PCDHGB5: variants seen among roughly 807,000 people sequenced by gnomAD.
The protein encoded by PCDHGB5 is protocadherin gamma-B5.
PCDHGB5 carries 48 observed loss-of-function variants against 62.9 expected under a neutral mutation model. That is an observed-to-expected ratio of 0.76 (90% CI 0.61 to 0.97). The LOEUF (loss-of-function observed/expected upper bound fraction) is 0.97, where lower values mean the gene tolerates loss of function less well. Ranked by LOEUF, PCDHGB5 falls within the 50% of genes least tolerant of loss-of-function variation. The pLI, the probability that PCDHGB5 is intolerant of heterozygous loss-of-function variation, is 0.00. For synonymous variants in PCDHGB5, 474 were observed against 511.2 expected (o/e 0.93, Z 0.98); for missense variants, 1,118 against 1,198.6 (o/e 0.93, Z 0.99).
intron 1 of PCDHGB5, among the ~76,000 whole-genome samples, chr5:141,438,613 TATATATATATATATATATATATACAC>T (rs1192023297): frequency 0.026 from 946 of 36,486 alleles, 27 homozygotes; most frequent in African/African-American, 0.12. Flanking sequence ...TATATATATA[TATATATATATATATATATATATACAC>T]ACACACACAC....
At chr5:141,403,403 C>T in intron 1 of PCDHGB5, 5 of 1,614,066 alleles carry the variant, frequency 3.1e-6, no homozygotes, top group Non-Finnish European at 4.2e-6. Context: ...TCCTGGAGCA[C>T]GTTATCCACT....
chr5:141,428,609 A>G, intron 1 of PCDHGB5: 1 of 215,052 alleles, frequency 4.7e-6, no homozygotes, highest in South Asian at 7.9e-5. Context: ...ACTGAAGAGA[A>G]TAACAAGATA....
At position 141,482,530 on chromosome 5, in the gene PCDHGB5, C is replaced by CAA. The variant is rs3074545; in HGVS notation, c.2398-12259_2398-12258dup. ...CAGAGTACAGTATGAGACAGACATG[C>CAA]AAAAAAAAAAAAAAAAAAAGATAAT... On this transcript the variant is annotated intron_variant, in intron 1 of 3. Transcript: ENST00000617380. Among the ~76,000 whole-genome samples the CAA allele has an allele frequency of 5.5e-3, 422 of 76,516 alleles. 18 individuals are homozygous for CAA. Among genetic ancestry groups the CAA allele is most frequent in the African/African-American group, 0.016 (343 of 20,862 alleles). The allele number at this position is 76,516 out of a possible 152,430, so 50.2% of individuals were successfully genotyped here.
Position 141,423,964 on chromosome 5 carries a change from A to G in PCDHGB5, c.2397+23440A>G, listed in dbSNP as rs569611136. On this transcript the variant is annotated intron_variant, in intron 1 of 3. Coordinates refer to ENST00000617380, the MANE Select transcript of PCDHGB5 (RefSeq NM_018925.3). ...AGTTGAATTTTAGTATTATTTTTCT[A>G]TTATCAGTGTATGAGGCTCTCAATT... The G allele has an allele frequency of 5.2e-5, 61 of 1,163,648 alleles. 2 individuals carry two copies. In the South Asian group the frequency reaches 1.7e-3, roughly 32 times the overall value. 72.1% of individuals were successfully genotyped at this position (1,163,648 alleles called of 1,614,324 possible).
rs1309292354 is a variant in PCDHGB5, at chr5:141,399,314, A to C, written c.1187A>C (p.Asn396Thr). 5.6e-6 allele frequency: 9 copies of C among 1,613,988 alleles called. No homozygotes were observed. The highest frequency in any genetic ancestry group is 1.7e-6 in the Non-Finnish European group (2 of 1,179,890). ...TTTAAGATTATCTCTTCATCCAAAA[A>C]TTCGTATAAGTTGGTAACAGATGGA... ...VPFKIISSSKNSYKLVTDGTL... is the reference protein window; with the variant it reads ...VPFKIISSSKTSYKLVTDGTL... Residue 396 changes from asparagine (N) to threonine (T), a missense_variant, in exon 1 of 4, where the codon AAT becomes ACT. Coordinates refer to ENST00000617380, the MANE Select transcript of PCDHGB5 (RefSeq NM_018925.3).
chr5:141,419,325 ACT>A (rs1329600066), intron 1 of PCDHGB5: 33 of 1,613,586 alleles, frequency 2.0e-5, no homozygotes, highest in Non-Finnish European at 2.6e-5. Flanking sequence ...CGTGTCTCCT[ACT>A]CTCTCATTGC....
intron 1 of PCDHGB5, chr5:141,413,757 G>C (rs2095674818): frequency 1.2e-6 from 2 of 1,612,920 alleles, no homozygotes; most frequent in African/African-American, 2.7e-5. Flanking sequence ...ATGGCGTCAA[G>C]TACCCGGAGC....
rs1192987646 is a variant in PCDHGB5, at chr5:141,423,758, G to A, written c.2397+23234G>A. Reference sequence around the variant, plus strand: ...CTGTTATGAAAACTGTTTGGGGGGGGGGTGGGGCGGCATATATTTAGTTCA... The same window carrying A: ...CTGTTATGAAAACTGTTTGGGGGGGAGGTGGGGCGGCATATATTTAGTTCA... On this transcript the variant is annotated intron_variant, in intron 1 of 3. Coordinates refer to ENST00000617380, the MANE Select transcript of PCDHGB5 (RefSeq NM_018925.3). 8.2e-5 allele frequency: 30 copies of A among 366,770 alleles called. 3 individuals are homozygous for A. Among genetic ancestry groups the A allele is most frequent in the Non-Finnish European group, 1.1e-4 (29 of 259,742 alleles). The allele number at this position is 366,770 out of a possible 1,614,324, so 22.7% of individuals were successfully genotyped here.
At position 141,487,636 on chromosome 5, in the gene PCDHGB5, A is replaced by G. The variant is rs780468230; in HGVS notation, c.2398-7171A>G. 3 of 1,614,192 alleles carry G rather than the reference A, an allele frequency of 1.9e-6. No homozygotes were observed. Among genetic ancestry groups the G allele is most frequent in the Non-Finnish European group, 1.7e-6 (2 of 1,180,030 alleles). Reference sequence around the variant, plus strand: ...TAGAGGTGAGACCTTTGCAGGCTCAACAAATGCTTGAGGGTTATTCTGATC... The same window carrying G: ...TAGAGGTGAGACCTTTGCAGGCTCAGCAAATGCTTGAGGGTTATTCTGATC... On this transcript the variant is annotated intron_variant, in intron 1 of 3. Transcript: ENST00000617380. This position sits in a 1 kb window ranked among gnomAD's most constrained non-coding sequence, Gnocchi z 5.0.
chr5:141,426,307 A>G (rs958090236), intron 1 of PCDHGB5: 2 of 172,782 alleles, frequency 1.2e-5, no homozygotes, highest in African/African-American at 4.7e-5. Context: ...GGTGAAGCAG[A>G]GAAGCAGGAC....
chr5:141,426,523 G>A (rs1018320941), intron 1 of PCDHGB5: 14 of 342,474 alleles, frequency 4.1e-5, no homozygotes, highest in African/African-American at 3.0e-4. Flanking sequence ...CGTGAACACG[G>A]AGAATGGGAA....
At position 141,485,789 on chromosome 5, in the gene PCDHGB5, T is replaced by G. The variant is rs1276069810; in HGVS notation, c.2398-9018T>G. The G allele has an allele frequency of 1.2e-6, 2 of 1,613,978 alleles. No individual in the cohort carries two copies. The highest frequency in any genetic ancestry group is 1.7e-6 in the Non-Finnish European group (2 of 1,180,030). On this transcript the variant is annotated intron_variant, in intron 1 of 3. Coordinates refer to ENST00000617380, the MANE Select transcript of PCDHGB5 (RefSeq NM_018925.3). This position sits in a 1 kb window ranked among gnomAD's most constrained non-coding sequence, Gnocchi z 5.7. ...GAAGCCTTTGGATCGAGAGAAGCAATCGGACTACCGCCTGGTGCTGACTGC... is the reference window on the plus strand; with the variant it reads ...GAAGCCTTTGGATCGAGAGAAGCAAGCGGACTACCGCCTGGTGCTGACTGC...
intron 1 of PCDHGB5, among the ~76,000 whole-genome samples, chr5:141,465,888 C>T (rs1031908926): frequency 5.3e-5 from 8 of 151,942 alleles, no homozygotes; most frequent in South Asian, 2.1e-4. Context: ...TTTGGGAGGC[C>T]GAGGCGGGCA....
intron 1 of PCDHGB5, chr5:141,403,191 G>A (rs368387997): frequency 1.1e-5 from 18 of 1,613,876 alleles, no homozygotes; most frequent in Non-Finnish European, 1.4e-5. Context: ...CTGAACCCGC[G>A]CAGCGGCACC....
intron 1 of PCDHGB5, chr5:141,413,478 T>C (rs755324008): frequency 6.2e-7 from 1 of 1,614,074 alleles, no homozygotes; most frequent in East Asian, 2.2e-5. Flanking sequence ...AGCTCTGCGC[T>C]CAGAGCGCGC....
rs776015544 is a variant in PCDHGB5, at chr5:141,485,125, G to C, written c.2398-9682G>C. The C allele has an allele frequency of 7.1e-7, 1 of 1,412,278 alleles. No homozygotes were observed. Among genetic ancestry groups the C allele is most frequent in the Admixed American group, 1.7e-5 (1 of 57,660 alleles). 87.5% of individuals were successfully genotyped at this position (1,412,278 alleles called of 1,614,324 possible). On this transcript the variant is annotated intron_variant, in intron 1 of 3. Transcript: ENST00000617380. The surrounding 1 kb of genome is among the most constrained non-coding windows in gnomAD (Gnocchi z 5.7). The stretch of plus-strand genomic sequence containing the variant: ...CTGCTGTGGCTGTTTGGGGCGGGTC[G>C]GCTTCATCCGCGTCTCAGGAGCAAG...
rs1309165721 is a variant in PCDHGB5 at position 141,430,655 on chromosome 5, G to A, written c.2397+30131G>A. On this transcript the variant is annotated intron_variant, in intron 1 of 3. Coordinates refer to ENST00000617380, the MANE Select transcript of PCDHGB5 (RefSeq NM_018925.3). Reference sequence around the variant, plus strand: ...ATCCCTGGGAGTATGTGGAAACAACGGAGGAGCTCTGACTTCCCAACTGTC... The same window carrying A: ...ATCCCTGGGAGTATGTGGAAACAACAGAGGAGCTCTGACTTCCCAACTGTC... 4.6e-6 allele frequency: 5 copies of A among 1,084,938 alleles called. No individual in the cohort carries two copies. In the East Asian group the frequency reaches 7.8e-5, roughly 17 times the overall value. 67.2% of individuals were successfully genotyped at this position (1,084,938 alleles called of 1,614,324 possible).
chr5:141,410,687 T>A, intron 1 of PCDHGB5: 1 of 1,518,632 alleles, frequency 6.6e-7, no homozygotes, highest in Non-Finnish European at 8.8e-7. Context: ...TTAGGCATAC[T>A]ACTTTATTTT....
At chr5:141,422,058 A>G (rs1015726657) in intron 1 of PCDHGB5, 3 of 1,611,890 alleles carry the variant, frequency 1.9e-6, no homozygotes, top group African/African-American at 2.7e-5. Flanking sequence ...TCAACGGGGA[A>G]GTAATGTATT....
Sources: gnomAD v4.1 joint callset for allele counts (sites outside exome capture counted in the v4.1 genomes callset) on GRCh38, gnomAD v4.1.1 for gene constraint, Gnocchi (gnomAD v3.1) non-coding constraint, MANE v1.5 for transcripts, NCBI Gene and HGNC (gene_info 2026-07-23, HGNC 2026-07-21) for gene names.